The following NETO1 variants were observed in gnomAD, a reference collection of about 807,000 sequenced individuals.
The protein encoded by NETO1 is neuropilin and tolloid-like protein 1.
A neutral mutation model predicts 61.3 loss-of-function variants in NETO1; 26 were observed. That is an observed-to-expected ratio of 0.42 (90% CI 0.31 to 0.59). The LOEUF (loss-of-function observed/expected upper bound fraction) is 0.59, where lower values mean the gene tolerates loss of function less well. Among genes scored for constraint, NETO1 ranks in the 20% least tolerant of loss-of-function variants. The pLI is 0.12. For synonymous variants in NETO1, 225 were observed against 225.8 expected (o/e 1.00, Z 0.03); for missense variants, 531 against 662.8 (o/e 0.80, Z 2.18).
At chr18:72,813,912 C>T (rs1224549563) in intron 4 of NETO1, among the ~76,000 whole-genome samples, 1 of 151,866 alleles carries the variant, frequency 6.6e-6, no homozygotes, top group Non-Finnish European at 1.5e-5. Context: ...AATCTATACA[C>T]TATGCAGAGA....
Position 72,805,460 on chromosome 18 carries a change from A to T in NETO1, c.470-11056T>A, listed in dbSNP as rs183640062. Among the ~76,000 whole-genome samples, 38 of 152,310 alleles carry T rather than the reference A, an allele frequency of 2.5e-4. No individual in the cohort carries two copies. In the East Asian group the frequency reaches 4.0e-3, roughly 16 times the overall value. Reference sequence around the variant, plus strand: ...TAGATCCACGAAAATAGCTAATACCATTGCAATAATTAATATGTACCAGAT... The same window carrying T: ...TAGATCCACGAAAATAGCTAATACCTTTGCAATAATTAATATGTACCAGAT... On this transcript the variant is annotated intron_variant, in intron 4 of 10. Coordinates refer to ENST00000327305, the MANE Select transcript of NETO1 (RefSeq NM_138966.5).
intron 3 of NETO1, among the ~76,000 whole-genome samples, chr18:72,862,408 G>C (rs191775461): frequency 6.6e-5 from 10 of 152,248 alleles, no homozygotes; most frequent in Admixed American, 3.9e-4. Context: ...CACTGAGCTA[G>C]AGCTACATGT....
chr18:72,864,757 G>A (rs756121976), intron 3 of NETO1, 51 bp downstream of exon 3: 1 of 1,610,750 alleles, frequency 6.2e-7, no homozygotes, highest in East Asian at 2.2e-5. Flanking sequence ...GCACAGAGAT[G>A]GCAAGGTTTT....
In NETO1 at chr18:72,864,851, G is replaced by A. The variant is rs907242909; in HGVS notation, c.177C>T (p.Pro59=). 3.7e-6 allele frequency: 6 copies of A among 1,613,816 alleles called. No individual in the cohort carries two copies. The highest frequency in any genetic ancestry group is 5.1e-6 in the Non-Finnish European group (6 of 1,180,008). ...EGGIFTSPNY[P]SKYPPDRECI... ...ATTCCCGGTCAGGGGGATACTTGCTGGGATAGTTGGGAGAGGTAAAGATAC... is the reference window on the plus strand; with the variant it reads ...ATTCCCGGTCAGGGGGATACTTGCTAGGATAGTTGGGAGAGGTAAAGATAC... Residue 59 remains proline, a synonymous_variant, in exon 3 of 11, where the codon CCC becomes CCT. Coordinates refer to ENST00000327305, the MANE Select transcript of NETO1 (RefSeq NM_138966.5).
At chr18:72,801,993 C>T (rs8089569) in intron 4 of NETO1, among the ~76,000 whole-genome samples, 53,616 of 151,626 alleles carry the variant, frequency 0.35, 9,835 homozygotes, top group South Asian at 0.41. Context: ...AGAATCTATT[C>T]CAAATAAAAT....
intron 7 of NETO1, among the ~76,000 whole-genome samples, chr18:72,773,115 G>T (rs1287482997): frequency 6.6e-6 from 1 of 151,714 alleles, no homozygotes; most frequent in African/African-American, 2.4e-5. Flanking sequence ...TTACAAAACA[G>T]GGATTCCCCC....
At chr18:72,823,975 G>A (rs1196010662) in intron 4 of NETO1, among the ~76,000 whole-genome samples, 1 of 152,204 alleles carries the variant, frequency 6.6e-6, no homozygotes, top group Non-Finnish European at 1.5e-5. Flanking sequence ...GGAGGGGCTT[G>A]TAAAGAAGTG....
At chr18:72,850,711 G>A (rs1204716691) in intron 4 of NETO1, among the ~76,000 whole-genome samples, 2 of 152,172 alleles carry the variant, frequency 1.3e-5, no homozygotes, top group African/African-American at 4.8e-5. Flanking sequence ...GAGATTGAGT[G>A]TAAGAATTAT....
At chr18:72,769,435 G>A (rs2071271604) in intron 7 of NETO1, among the ~76,000 whole-genome samples, 2 of 152,102 alleles carry the variant, frequency 1.3e-5, no homozygotes, top group South Asian at 2.1e-4. Flanking sequence ...CTCTACTGAT[G>A]GGTTCTTTTC....
At position 72,834,961 on chromosome 18, in the gene NETO1, A is replaced by G. The variant is rs1032421934; in HGVS notation, c.469+23865T>C. ...AAAATAATATATTACATAAAACAAT[A>G]TAATTTAACACAATATTACATAAAA... On this transcript the variant is annotated intron_variant, in intron 4 of 10. Transcript: ENST00000327305. 2.1e-5 allele frequency: 16 copies of G among 780,022 alleles called. No individual in the cohort carries two copies. The African/African-American group carries it at 3.0e-4, about 15-fold the overall frequency. 48.3% of individuals were successfully genotyped at this position (780,022 alleles called of 1,614,324 possible).
chr18:72,773,127 T>G lies in NETO1; in HGVS notation c.868+10551A>C, dbSNP rs140394403. ...CTATTACAAAACAGGGATTCCCCCC[T>G]CTCCCAGTTCCTAATAACATATTCC... On this transcript the variant is annotated intron_variant, in intron 7 of 10. Coordinates refer to ENST00000327305, the MANE Select transcript of NETO1 (RefSeq NM_138966.5). Among the ~76,000 whole-genome samples, 16 of 151,984 alleles carry G rather than the reference T, an allele frequency of 1.1e-4. No individual in the cohort carries two copies. The East Asian group carries it at 3.1e-3, about 30-fold the overall frequency.
rs2145300348 is a variant in NETO1, at chr18:72,797,878, C to A, written c.470-3474G>T. Among the ~76,000 whole-genome samples the A allele has an allele frequency of 2.0e-5, 3 of 152,312 alleles. No individual in the cohort carries two copies. The East Asian group carries it at 5.8e-4, about 29-fold the overall frequency. On this transcript the variant is annotated intron_variant, in intron 4 of 10. Transcript: ENST00000327305. ...TTTTGTCTCTCTGCAATAACTTTCTCCTGGCTTTGGAGAGCTGGATCTTTC... is the reference window on the plus strand; with the variant it reads ...TTTTGTCTCTCTGCAATAACTTTCTACTGGCTTTGGAGAGCTGGATCTTTC...
chr18:72,792,111 T>G (rs72634461), intron 6 of NETO1, among the ~76,000 whole-genome samples: 3,262 of 152,106 alleles, frequency 0.021, 123 homozygotes, highest in East Asian at 0.17. Flanking sequence ...AAGAAAAAAG[T>G]CAAGTGAAGA....
chr18:72,748,764 C>T (rs929961870), intron 10 of NETO1, among the ~76,000 whole-genome samples: 3 of 151,866 alleles, frequency 2.0e-5, no homozygotes, highest in South Asian at 4.2e-4. Flanking sequence ...ATTAATTTGA[C>T]GTCCTTCTAA....
chr18:72,756,566 C>A (rs552567289), intron 7 of NETO1, among the ~76,000 whole-genome samples: 128 of 152,004 alleles, frequency 8.4e-4, no homozygotes, highest in African/African-American at 2.9e-3. Context: ...ATATACTTAC[C>A]AAGTACTAAT....
At chr18:72,766,312 A>T (rs1307521718) in intron 7 of NETO1, among the ~76,000 whole-genome samples, 1 of 151,826 alleles carries the variant, frequency 6.6e-6, no homozygotes, top group East Asian at 1.9e-4. Flanking sequence ...AAATATAAAA[A>T]ATATATAAAA....
intron 4 of NETO1, among the ~76,000 whole-genome samples, chr18:72,811,276 T>C (rs1273731036): frequency 1.3e-5 from 2 of 152,136 alleles, no homozygotes; most frequent in African/African-American, 2.4e-5. Context: ...CCATGACTCA[T>C]CTCTGCACTC....
rs543915712 is a variant in NETO1, at chr18:72,833,349, C to G, written c.469+25477G>C. The stretch of plus-strand genomic sequence containing the variant: ...ATTTCAAGAAGACTTTCTCTGACCT[C>G]TAGGCCGTTAAGTTATTTTGCTGTA... On this transcript the variant is annotated intron_variant, in intron 4 of 10. Coordinates refer to ENST00000327305, the MANE Select transcript of NETO1 (RefSeq NM_138966.5). 8.1e-4 allele frequency among the ~76,000 whole-genome samples: 123 copies of G among 152,260 alleles called. 1 individual carries two copies. In the South Asian group the frequency reaches 0.023, roughly 28 times the overall value.
At position 72,783,069 on chromosome 18, in the gene NETO1, T is replaced by C. The variant is rs542346390; in HGVS notation, c.868+609A>G. On this transcript the variant is annotated intron_variant, in intron 7 of 10. Coordinates refer to ENST00000327305, the MANE Select transcript of NETO1 (RefSeq NM_138966.5). ...AAATATTCAGGGTTTCTAACAAATA[T>C]TCAGAATATATCTATTGGTATGAAT... Among the ~76,000 whole-genome samples the C allele has an allele frequency of 5.3e-4, 80 of 152,346 alleles. 1 individual carries two copies. Among genetic ancestry groups the C allele is most frequent in the Non-Finnish European group, 1.0e-3 (70 of 68,030 alleles).
Sources: gnomAD v4.1 joint callset for allele counts (sites outside exome capture counted in the v4.1 genomes callset) on GRCh38, gnomAD v4.1.1 for gene constraint, MANE v1.5 for transcripts, NCBI Gene and HGNC (gene_info 2026-07-23, HGNC 2026-07-21) for gene names.